The following GRID2 variants were observed in gnomAD, a reference collection of about 807,000 sequenced individuals.
The protein encoded by GRID2 is glutamate receptor ionotropic, delta-2.
In GRID2, 33 loss-of-function variants were observed where a neutral mutation model predicts 114.8. The ratio of observed to expected loss-of-function variants is 0.29; its 90% CI spans 0.22 to 0.38. The LOEUF is 0.38. Ranked by LOEUF, GRID2 falls within the 10% of genes least tolerant of loss-of-function variation. The pLI is 1.00. For synonymous variants in GRID2, 505 were observed against 449.9 expected (o/e 1.12, Z -1.55); for missense variants, 1,184 against 1,257.7 (o/e 0.94, Z 0.89).
intron 1 of GRID2, among the ~76,000 whole-genome samples, chr4:92,316,291 C>A (rs1725976880): frequency 1.3e-5 from 2 of 152,130 alleles, no homozygotes. Context: ...AACCATTATA[C>A]ATTTCTTCTT....
At chr4:93,221,207 ATG>A in intron 6 of GRID2, among the ~76,000 whole-genome samples, 1 of 152,200 alleles carries the variant, frequency 6.6e-6, no homozygotes, top group Middle Eastern at 3.2e-3. Flanking sequence ...ATCTGTAATA[ATG>A]TGTCAATTCT....
At chr4:92,594,530 G>A (rs571434616) in intron 2 of GRID2, among the ~76,000 whole-genome samples, 85 of 151,918 alleles carry the variant, frequency 5.6e-4, no homozygotes, top group African/African-American at 1.9e-3. Flanking sequence ...AAAGTTTCAC[G>A]TTGCTGAAAT....
intron 2 of GRID2, among the ~76,000 whole-genome samples, chr4:92,850,208 A>G (rs1489884439): frequency 6.6e-6 from 1 of 151,342 alleles, no homozygotes; most frequent in Non-Finnish European, 1.5e-5. Flanking sequence ...ACAATATATA[A>G]TTATAAGTGA....
chr4:93,592,965 T>C (rs968038883), intron 13 of GRID2, among the ~76,000 whole-genome samples: 3 of 151,310 alleles, frequency 2.0e-5, no homozygotes, highest in Non-Finnish European at 4.4e-5. Context: ...GCACGTGAGA[T>C]GGGTTTCCTG....
intron 13 of GRID2, among the ~76,000 whole-genome samples, chr4:93,602,929 G>A (rs932785693): frequency 7.2e-5 from 11 of 152,374 alleles, no homozygotes; most frequent in African/African-American, 2.6e-4. Flanking sequence ...AGGGAAACAG[G>A]TGGGGTGCAG....
At chr4:92,675,519 A>C (rs573806624) in intron 2 of GRID2, among the ~76,000 whole-genome samples, 1 of 150,616 alleles carries the variant, frequency 6.6e-6, no homozygotes, top group South Asian at 2.1e-4. Flanking sequence ...CTCTTTGCCC[A>C]CTAAGAAACA....
At chr4:93,403,504 A>C (rs1766108087) in intron 9 of GRID2, among the ~76,000 whole-genome samples, 1 of 152,182 alleles carries the variant, frequency 6.6e-6, no homozygotes, top group African/African-American at 2.4e-5. Context: ...CATATACAAA[A>C]ATATTATAAC....
At chr4:92,688,035 TTC>T (rs1733999426) in intron 2 of GRID2, among the ~76,000 whole-genome samples, 1 of 134,380 alleles carries the variant, frequency 7.4e-6, no homozygotes, top group African/African-American at 2.8e-5. Flanking sequence ...ACCCTTCTTC[TTC>T]TTTTTTTTTT....
chr4:93,168,043 A>T (rs1481471132), intron 4 of GRID2, among the ~76,000 whole-genome samples: 5 of 152,086 alleles, frequency 3.3e-5, no homozygotes, highest in Non-Finnish European at 7.4e-5. Flanking sequence ...TAAAAATATA[A>T]AACTTAGCGA....
intron 2 of GRID2, among the ~76,000 whole-genome samples, chr4:92,974,323 A>C (rs62308163): frequency 0.015 from 2,230 of 152,246 alleles, 35 homozygotes; most frequent in Non-Finnish European, 0.02. Context: ...TTGACCCAGC[A>C]ATCCCATTAC....
At chr4:93,045,000 T>G (rs554333983) in intron 2 of GRID2, among the ~76,000 whole-genome samples, 87 of 152,316 alleles carry the variant, frequency 5.7e-4, no homozygotes, top group African/African-American at 2.0e-3. Context: ...CACTCCCTTA[T>G]AGTTATCAAG....
chr4:93,464,911 G>A (rs570990709), intron 11 of GRID2, among the ~76,000 whole-genome samples: 24 of 152,206 alleles, frequency 1.6e-4, no homozygotes, highest in Middle Eastern at 3.4e-3. Flanking sequence ...GTTTATATCC[G>A]TTGTTTAAGC....
At chr4:93,076,840 A>T (rs1342120400) in intron 2 of GRID2, among the ~76,000 whole-genome samples, 2 of 151,590 alleles carry the variant, frequency 1.3e-5, no homozygotes, top group Non-Finnish European at 2.9e-5. Flanking sequence ...CTGGTCTCGA[A>T]CTCCTGACCT....
At chr4:93,428,955 G>A (rs548421407) in intron 10 of GRID2, among the ~76,000 whole-genome samples, 19 of 152,198 alleles carry the variant, frequency 1.2e-4, no homozygotes, top group African/African-American at 4.1e-4. Context: ...CATTGGAAAA[G>A]CAAAAAGAAA....
chr4:92,401,392 G>T (rs934155680), intron 1 of GRID2, among the ~76,000 whole-genome samples: 3 of 152,106 alleles, frequency 2.0e-5, no homozygotes, highest in Non-Finnish European at 4.4e-5. Context: ...AATGTTAGGA[G>T]CTGGTTTTTT....
At chr4:93,561,215 G>T (rs939583381) in intron 13 of GRID2, among the ~76,000 whole-genome samples, 40 of 151,984 alleles carry the variant, frequency 2.6e-4, no homozygotes, top group African/African-American at 7.7e-4. Context: ...TCATTATATT[G>T]CTTTCTCCAT....
At chr4:92,647,997 C>T (rs1731731512) in intron 2 of GRID2, among the ~76,000 whole-genome samples, 1 of 149,678 alleles carries the variant, frequency 6.7e-6, no homozygotes, top group Non-Finnish European at 1.5e-5. Flanking sequence ...AACAGATCCC[C>T]TTTACTTTGT....
intron 4 of GRID2, among the ~76,000 whole-genome samples, chr4:93,115,077 T>C (rs921668277): frequency 2.0e-5 from 3 of 149,192 alleles, no homozygotes; most frequent in African/African-American, 5.0e-5. Flanking sequence ...CAATTCAGAA[T>C]GTGTCTGTGT....
At position 93,769,401 on chromosome 4, in the gene GRID2, T is replaced by A; in HGVS notation, c.2552T>A (p.Leu851Gln). The A allele has an allele frequency of 6.2e-7, 1 of 1,613,690 alleles. No homozygotes were observed. The highest frequency in any genetic ancestry group is 8.5e-7 in the Non-Finnish European group (1 of 1,179,664). Residue 851 changes from leucine (L) to glutamine (Q), a missense_variant, in exon 15 of 16, where the codon CTG becomes CAG. Leu to Gln is a moderately radical substitution (Grantham distance 113). Coordinates refer to ENST00000282020, the MANE Select transcript of GRID2 (RefSeq NM_001510.4). ...GTCCTCTCCTGCTTCATAGCCATGC[T>A]GGAGACGTGGTGGAACAAGAGGAAA... ...GIVLSCFIAMLETWWNKRKGS... is the reference protein window; with the variant it reads ...GIVLSCFIAMQETWWNKRKGS...
Sources: gnomAD v4.1 joint callset for allele counts (sites outside exome capture counted in the v4.1 genomes callset) on GRCh38, gnomAD v4.1.1 for gene constraint, MANE v1.5 for transcripts, NCBI Gene and HGNC (gene_info 2026-07-23, HGNC 2026-07-21) for gene names.